KCNK9: variants seen among roughly 807,000 people sequenced by gnomAD.
KCNK9 encodes potassium channel subfamily K member 9.
Under a neutral mutation model 10.8 loss-of-function variants are expected in KCNK9, and 1 was observed. That is an observed-to-expected ratio of 0.09 (90% CI 0.03 to 0.44). The LOEUF (loss-of-function observed/expected upper bound fraction) is 0.44, where lower values mean the gene tolerates loss of function less well. Among genes scored for constraint, KCNK9 ranks in the 20% least tolerant of loss-of-function variants. KCNK9 has a pLI of 0.97. For synonymous variants in KCNK9, 231 were observed against 222.7 expected (o/e 1.04, Z -0.33); for missense variants, 303 against 515.0 (o/e 0.59, Z 3.98).
chr8:139,679,058 G>A (rs961473245), intron 1 of KCNK9, among the ~76,000 whole-genome samples: 2 of 152,122 alleles, frequency 1.3e-5, no homozygotes, highest in African/African-American at 4.8e-5. Context: ...CTTCATAGTC[G>A]TAAGCATCAG....
chr8:139,680,776 C>T (rs1352797290), intron 1 of KCNK9, among the ~76,000 whole-genome samples: 1 of 152,150 alleles, frequency 6.6e-6, no homozygotes, highest in African/African-American at 2.4e-5. Context: ...TATTAAAGGC[C>T]ACACTAGGAT....
chr8:139,645,026 C>A (rs1815632050), intron 1 of KCNK9, among the ~76,000 whole-genome samples: 1 of 152,228 alleles, frequency 6.6e-6, no homozygotes, highest in South Asian at 2.1e-4. Context: ...AAGCCCTAGG[C>A]TGGTGTCAGA....
chr8:139,657,469 G>A (rs1478715306), intron 1 of KCNK9, among the ~76,000 whole-genome samples: 2 of 152,172 alleles, frequency 1.3e-5, no homozygotes, highest in African/African-American at 4.8e-5. Flanking sequence ...GCAGCTGCCA[G>A]GGACACCACA....
At position 139,692,968 on chromosome 8, in the gene KCNK9, C is replaced by A. The variant is rs13262526; in HGVS notation, c.283+9742G>T. The stretch of plus-strand genomic sequence containing the variant: ...ACCCAGCTCACCCTGCCCACCTGAG[C>A]AGCTCACCCTGCTCACCTGAGAGGC... On this transcript the variant is annotated intron_variant, in intron 1 of 1. Coordinates refer to ENST00000520439, the MANE Select transcript of KCNK9 (RefSeq NM_001282534.2). Among the ~76,000 whole-genome samples, 223 of 50,570 alleles carry A rather than the reference C, an allele frequency of 4.4e-3. 1 individual carries two copies. The highest frequency in any genetic ancestry group is 0.013 in the Non-Finnish European group (184 of 14,718). 33.2% of individuals were successfully genotyped at this position (50,570 alleles called of 152,430 possible).
At chr8:139,630,812 T>C (rs1815144415) in intron 1 of KCNK9, among the ~76,000 whole-genome samples, 1 of 152,126 alleles carries the variant, frequency 6.6e-6, no homozygotes, top group Admixed American at 6.5e-5. Context: ...CACACCCCCT[T>C]CTCAGTCCCC....
At chr8:139,658,785 C>A (rs751672154) in intron 1 of KCNK9, among the ~76,000 whole-genome samples, 5 of 152,384 alleles carry the variant, frequency 3.3e-5, no homozygotes, top group Non-Finnish European at 7.3e-5. Flanking sequence ...GGGCCAGTGT[C>A]CAGGAAGCGA....
At chr8:139,684,783 T>C (rs530528401) in intron 1 of KCNK9, among the ~76,000 whole-genome samples, 1 of 152,172 alleles carries the variant, frequency 6.6e-6, no homozygotes, top group South Asian at 2.1e-4. Context: ...CCCTCAGAAA[T>C]TAAGTAGACC....
chr8:139,683,218 T>G (rs1239401312), intron 1 of KCNK9, among the ~76,000 whole-genome samples: 1 of 152,050 alleles, frequency 6.6e-6, no homozygotes, highest in Admixed American at 6.6e-5. Context: ...AGCTCCAGAT[T>G]TCTCCCCTGC....
At chr8:139,622,481 G>A (rs879454066) in intron 1 of KCNK9, among the ~76,000 whole-genome samples, 1 of 152,178 alleles carries the variant, frequency 6.6e-6, no homozygotes, top group Non-Finnish European at 1.5e-5. Context: ...AGGAAGGGAA[G>A]AGGAGGGCGA....
chr8:139,662,557 C>G (rs902502961), intron 1 of KCNK9, among the ~76,000 whole-genome samples: 1 of 152,160 alleles, frequency 6.6e-6, no homozygotes, highest in Non-Finnish European at 1.5e-5. Context: ...CTACCAGGTC[C>G]AGGCTTGGCC....
chr8:139,678,583 G>A (rs1223237267), intron 1 of KCNK9, among the ~76,000 whole-genome samples: 3 of 152,256 alleles, frequency 2.0e-5, no homozygotes, highest in Admixed American at 6.5e-5. Context: ...CAACACCCCC[G>A]AGGGCCTCAG....
intron 1 of KCNK9, among the ~76,000 whole-genome samples, chr8:139,636,756 T>C (rs1028515336): frequency 5.3e-5 from 8 of 152,190 alleles, no homozygotes; most frequent in African/African-American, 1.7e-4. Flanking sequence ...TGACTAAATT[T>C]CAGGAAGAAA....
intron 1 of KCNK9, among the ~76,000 whole-genome samples, chr8:139,622,299 T>A (rs1814811335): frequency 6.6e-6 from 1 of 152,164 alleles, no homozygotes; most frequent in Non-Finnish European, 1.5e-5. Flanking sequence ...GAGACAAGTT[T>A]CGGGACTCCC....
chr8:139,635,824 T>A (rs1200576685), intron 1 of KCNK9, among the ~76,000 whole-genome samples: 1 of 152,062 alleles, frequency 6.6e-6, no homozygotes, highest in Non-Finnish European at 1.5e-5. Context: ...CCTGAATACC[T>A]CTCCTCTATG....
chr8:139,661,701 G>A (rs1345562134), intron 1 of KCNK9, among the ~76,000 whole-genome samples: 2 of 152,216 alleles, frequency 1.3e-5, no homozygotes, highest in Non-Finnish European at 2.9e-5. Context: ...AGGGACTGGT[G>A]TCTACAATTC....
intron 1 of KCNK9, among the ~76,000 whole-genome samples, chr8:139,631,098 C>T (rs891857162): frequency 2.0e-5 from 3 of 152,216 alleles, no homozygotes; most frequent in African/African-American, 7.2e-5. Context: ...GGTGCGGGGT[C>T]GGCCGCCCAC....
chr8:139,621,920 A>G (rs982736185), intron 1 of KCNK9, among the ~76,000 whole-genome samples: 1 of 152,246 alleles, frequency 6.6e-6, no homozygotes, highest in Non-Finnish European at 1.5e-5. Context: ...ATTTACTGGA[A>G]GAAATCACCA....
In KCNK9 at chr8:139,702,641, C is replaced by G; in HGVS notation, c.283+69G>C. ...TCGACGCCCTGCACCCAGCCCGGCG[C>G]GGCGCGCTCAGCCGCCTCCCCGGAC... On this transcript the variant is annotated intron_variant, in intron 1 of 1. Transcript: ENST00000520439. The surrounding 1 kb of genome is among the most constrained non-coding windows in gnomAD (Gnocchi z 7.5). 6.7e-7 allele frequency: 1 copy of G among 1,496,156 alleles called. No individual in the cohort carries two copies. The highest frequency in any genetic ancestry group is 9.0e-7 in the Non-Finnish European group (1 of 1,116,588). The allele number at this position is 1,496,156 out of a possible 1,614,324, so 92.7% of individuals were successfully genotyped here.
chr8:139,626,220 C>T (rs1814967949), intron 1 of KCNK9, among the ~76,000 whole-genome samples: 1 of 152,198 alleles, frequency 6.6e-6, no homozygotes, highest in African/African-American at 2.4e-5. Context: ...TCCCCCCTGG[C>T]AATCTAGGTA....
Sources: gnomAD v4.1 joint callset for allele counts (sites outside exome capture counted in the v4.1 genomes callset) on GRCh38, gnomAD v4.1.1 for gene constraint, Gnocchi (gnomAD v3.1) non-coding constraint, MANE v1.5 for transcripts, NCBI Gene and HGNC (gene_info 2026-07-23, HGNC 2026-07-21) for gene names.